SMYD3: variants seen among roughly 807,000 people sequenced by gnomAD.
The protein encoded by SMYD3 is histone-lysine N-methyltransferase SMYD3.
A neutral mutation model predicts 57.7 loss-of-function variants in SMYD3; 36 were observed. That is an observed-to-expected ratio of 0.62 (90% confidence interval 0.48 to 0.82). The LOEUF (loss-of-function observed/expected upper bound fraction) is 0.82, where lower values mean the gene tolerates loss of function less well. SMYD3 is among the 40% of genes least tolerant of loss of function. The pLI is 0.00. For synonymous variants in SMYD3, 211 were observed against 195.0 expected (o/e 1.08, Z -0.68); for missense variants, 515 against 538.8 (o/e 0.96, Z 0.44).
chr1:246,463,229 A>G (rs779983770), intron 1 of SMYD3, among the ~76,000 whole-genome samples: 1 of 152,098 alleles, frequency 6.6e-6, no homozygotes, highest in Non-Finnish European at 1.5e-5. Context: ...TTTAGGCAAG[A>G]GGTTATGGTA....
At chr1:246,352,359 A>G (rs1404731912) in intron 2 of SMYD3, among the ~76,000 whole-genome samples, 2 of 152,294 alleles carry the variant, frequency 1.3e-5, no homozygotes, top group African/African-American at 4.8e-5. Flanking sequence ...CTACAGATTT[A>G]CATCCTCTGT....
rs11386183 is a variant in SMYD3, at chr1:246,423,296, C to CAA, written c.165-68204_165-68203dup. Among the ~76,000 whole-genome samples the CAA allele has an allele frequency of 9.1e-4, 109 of 120,192 alleles. 1 individual carries two copies. The highest frequency in any genetic ancestry group is 5.9e-3 in the South Asian group (23 of 3,900). The allele number at this position is 120,192 out of a possible 152,430, so 78.9% of individuals were successfully genotyped here. Reference sequence around the variant, plus strand: ...TGGGCAATAGAGTGAGACTCCAACTCAAAAAAAAAAAAAGAAAAAGAAAAG... The same window carrying CAA: ...TGGGCAATAGAGTGAGACTCCAACTCAAAAAAAAAAAAAAAGAAAAAGAAAAG... On this transcript the variant is annotated intron_variant, in intron 1 of 11. Transcript: ENST00000490107.
intron 1 of SMYD3, among the ~76,000 whole-genome samples, chr1:246,463,450 A>C (rs2067831760): frequency 6.6e-6 from 1 of 151,926 alleles, no homozygotes; most frequent in Admixed American, 6.6e-5. Flanking sequence ...AAGATTGAGA[A>C]TACTGTTTTA....
intron 10 of SMYD3, among the ~76,000 whole-genome samples, chr1:245,830,960 C>G (rs929737692): frequency 1.3e-5 from 2 of 152,144 alleles, no homozygotes; most frequent in Non-Finnish European, 1.5e-5. Context: ...TCCTGCCCCC[C>G]TCCTCGCTAC....
chr1:245,876,333 A>G (rs887173326), intron 8 of SMYD3, among the ~76,000 whole-genome samples: 57 of 152,172 alleles, frequency 3.7e-4, no homozygotes, highest in African/African-American at 1.3e-3. Flanking sequence ...GAGGCAAATG[A>G]TATCAGCATC....
chr1:246,109,848 T>C (rs2061200843), intron 5 of SMYD3: 1 of 152,240 alleles, frequency 6.6e-6, no homozygotes, highest in South Asian at 2.1e-4. Flanking sequence ...CCGTTTGCCA[T>C]CTGGGAACAA....
chr1:245,833,060 A>AG, intron 10 of SMYD3, among the ~76,000 whole-genome samples: 2 of 43,844 alleles, frequency 4.6e-5, no homozygotes, highest in Non-Finnish European at 8.6e-5. Flanking sequence ...AATATGTGAC[A>AG]AAAAAAAAAA....
chr1:245,754,587 G>A (rs1432582563), intron 11 of SMYD3, among the ~76,000 whole-genome samples: 2 of 152,150 alleles, frequency 1.3e-5, no homozygotes, highest in Non-Finnish European at 2.9e-5. Context: ...AAAGCCCTTT[G>A]CAAGGACAGC....
At chr1:246,050,153 C>T (rs1157096375) in intron 5 of SMYD3, among the ~76,000 whole-genome samples, 1 of 152,198 alleles carries the variant, frequency 6.6e-6, no homozygotes, top group East Asian at 1.9e-4. Context: ...CCATATAGGC[C>T]TTAATTAGAC....
At chr1:246,435,852 C>T (rs965218583) in intron 1 of SMYD3, among the ~76,000 whole-genome samples, 2 of 152,096 alleles carry the variant, frequency 1.3e-5, no homozygotes, top group South Asian at 4.2e-4. Flanking sequence ...AATGAAGCTA[C>T]ATTAATTAGA....
intron 5 of SMYD3, among the ~76,000 whole-genome samples, chr1:246,290,398 AT>A (rs2064666231): frequency 6.6e-6 from 1 of 152,176 alleles, no homozygotes; most frequent in African/African-American, 2.4e-5. Flanking sequence ...CAGGGAAGAG[AT>A]ATATGGTTAA....
intron 5 of SMYD3, among the ~76,000 whole-genome samples, chr1:246,266,311 A>G (rs912161103): frequency 2.0e-5 from 3 of 152,106 alleles, no homozygotes; most frequent in Non-Finnish European, 2.9e-5. Flanking sequence ...GCAACTTTAT[A>G]TTCATCCTAC....
chr1:246,031,464 G>A lies in SMYD3; in HGVS notation c.532-101527C>T, dbSNP rs961232164. Among the ~76,000 whole-genome samples the A allele has an allele frequency of 4.6e-5, 7 of 152,246 alleles. No individual in the cohort carries two copies. The South Asian group carries it at 6.2e-4, about 14-fold the overall frequency. Reference sequence around the variant, plus strand: ...TTAAAAAGAAGTTATGGGGCCAGGCGCAGTGGCTCACGGCTATAATCCCAG... The same window carrying A: ...TTAAAAAGAAGTTATGGGGCCAGGCACAGTGGCTCACGGCTATAATCCCAG... On this transcript the variant is annotated intron_variant, in intron 5 of 11. Coordinates refer to ENST00000490107, the MANE Select transcript of SMYD3 (RefSeq NM_001167740.2).
intron 5 of SMYD3, among the ~76,000 whole-genome samples, chr1:246,221,242 T>C (rs2063249500): frequency 6.6e-6 from 1 of 152,106 alleles, no homozygotes; most frequent in African/African-American, 2.4e-5. Flanking sequence ...CATTGGGACA[T>C]CCTGGCTACG....
At chr1:246,069,787 T>A (rs1371438017) in intron 5 of SMYD3, among the ~76,000 whole-genome samples, 1 of 152,126 alleles carries the variant, frequency 6.6e-6, no homozygotes, top group East Asian at 1.9e-4. Flanking sequence ...AAGGCTGAAT[T>A]CCATTTATTC....
At chr1:246,248,087 C>A (rs1326270877) in intron 5 of SMYD3, among the ~76,000 whole-genome samples, 1 of 152,146 alleles carries the variant, frequency 6.6e-6, no homozygotes, top group Non-Finnish European at 1.5e-5. Context: ...GAGCATATCT[C>A]TTTTGAAACT....
chr1:245,839,630 G>A (rs10802278), intron 10 of SMYD3, among the ~76,000 whole-genome samples: 61,109 of 151,604 alleles, frequency 0.4, 14,127 homozygotes, highest in East Asian at 0.87. Flanking sequence ...TGATGGATAC[G>A]CAACTATGTG....
chr1:245,859,772 G>T (rs1477249415), intron 9 of SMYD3, among the ~76,000 whole-genome samples: 1 of 152,144 alleles, frequency 6.6e-6, no homozygotes, highest in African/African-American at 2.4e-5. Flanking sequence ...GGGTGAAAAG[G>T]TTTGAAGATC....
At chr1:246,261,680 C>T (rs2148522999) in intron 5 of SMYD3, among the ~76,000 whole-genome samples, 1 of 144,460 alleles carries the variant, frequency 6.9e-6, no homozygotes, top group Non-Finnish European at 1.5e-5. Context: ...TTCTATTATA[C>T]TTCAAAAAAA....
Sources: allele counts gnomAD v4.1 joint callset (sites outside exome capture counted in the v4.1 genomes callset), GRCh38; gene constraint gnomAD v4.1.1; transcripts MANE v1.5; gene names NCBI Gene and HGNC (gene_info 2026-07-23, HGNC 2026-07-21).